The following SCHIP1 variants were observed in gnomAD, a reference collection of about 807,000 sequenced individuals.
SCHIP1 encodes schwannomin interacting protein 1.
A neutral mutation model predicts 29.7 loss-of-function variants in SCHIP1; 8 were observed. The ratio of observed to expected loss-of-function variants is 0.27; its 90% confidence interval spans 0.16 to 0.49. SCHIP1 has a LOEUF of 0.49. Among genes scored for constraint, SCHIP1 ranks in the 20% least tolerant of loss-of-function variants. SCHIP1 has a pLI of 0.99. For synonymous variants in SCHIP1, 76 were observed against 94.9 expected (o/e 0.80, Z 1.16); for missense variants, 193 against 294.6 (o/e 0.66, Z 2.52).
chr3:159,695,968 C>T, the SCHIP1 span, among the ~76,000 whole-genome samples: 1 of 152,102 alleles, frequency 6.6e-6, no homozygotes, highest in Non-Finnish European at 1.5e-5. Flanking sequence ...GACTTATTGC[C>T]CTACCGCACC....
chr3:159,480,178 G>A, the SCHIP1 span, among the ~76,000 whole-genome samples: 12 of 152,278 alleles, frequency 7.9e-5, no homozygotes, highest in South Asian at 2.3e-3. Flanking sequence ...GTGAGTCATG[G>A]TCAGAATCCA....
At chr3:159,305,007 A>T in the SCHIP1 span, among the ~76,000 whole-genome samples, 3,717 of 150,304 alleles carry the variant, frequency 0.025, 143 homozygotes, top group African/African-American at 0.086. Flanking sequence ...TCTTCTTCCC[A>T]TTTTTTTTCA....
At chr3:159,393,298 G>A in the SCHIP1 span, among the ~76,000 whole-genome samples, 2 of 152,142 alleles carry the variant, frequency 1.3e-5, no homozygotes, top group Admixed American at 6.5e-5. Context: ...CTTTTGCTGT[G>A]TAGAAGCTCT....
At chr3:159,750,167 A>G in the SCHIP1 span, among the ~76,000 whole-genome samples, 1 of 151,566 alleles carries the variant, frequency 6.6e-6, no homozygotes, top group Non-Finnish European at 1.5e-5. Context: ...GTTTATTCAT[A>G]GAGTAGAATA....
the SCHIP1 span, among the ~76,000 whole-genome samples, chr3:159,589,271 T>C: frequency 3.3e-5 from 5 of 152,342 alleles, 1 homozygote; most frequent in East Asian, 1.9e-4. Flanking sequence ...TTGTCTGTTA[T>C]TGGTGGATAA....
At chr3:159,863,493 T>TA (rs1165332135) in intron 1 of SCHIP1, among the ~76,000 whole-genome samples, 1 of 152,216 alleles carries the variant, frequency 6.6e-6, no homozygotes, top group Non-Finnish European at 1.5e-5. Context: ...GAAAAAATTT[T>TA]AAAAGATTTT....
At chr3:159,880,179 C>G (rs956255981) in intron 2 of SCHIP1, among the ~76,000 whole-genome samples, 2 of 152,118 alleles carry the variant, frequency 1.3e-5, no homozygotes, top group African/African-American at 4.8e-5. Flanking sequence ...AATGTCCTCC[C>G]CAGTCCTCTC....
At chr3:159,330,724 C>T in the SCHIP1 span, among the ~76,000 whole-genome samples, 19 of 152,180 alleles carry the variant, frequency 1.2e-4, no homozygotes, top group Non-Finnish European at 1.3e-4. Flanking sequence ...AAATTGATTA[C>T]ATAACTATAA....
chr3:159,426,254 T>G, the SCHIP1 span, among the ~76,000 whole-genome samples: 1 of 152,296 alleles, frequency 6.6e-6, no homozygotes, highest in African/African-American at 2.4e-5. Flanking sequence ...AGATGGTTTT[T>G]TGAAAGGATC....
the SCHIP1 span, among the ~76,000 whole-genome samples, chr3:159,665,965 T>C: frequency 3.9e-5 from 6 of 152,158 alleles, no homozygotes; most frequent in Admixed American, 2.6e-4. Context: ...CCAGTCTCCA[T>C]GCTACTCTGC....
At chr3:159,828,388 C>CATAT in the SCHIP1 span, among the ~76,000 whole-genome samples, 1 of 65,328 alleles carries the variant, frequency 1.5e-5, no homozygotes, top group African/African-American at 4.6e-5. Flanking sequence ...TATATATATA[C>CATAT]ATATATACGT....
chr3:159,523,929 T>C, the SCHIP1 span, among the ~76,000 whole-genome samples: 1 of 152,234 alleles, frequency 6.6e-6, no homozygotes, highest in African/African-American at 2.4e-5. Context: ...GCTTAATTGC[T>C]GAATCCCCCA....
the SCHIP1 span, among the ~76,000 whole-genome samples, chr3:159,637,596 G>T: frequency 6.6e-6 from 1 of 152,258 alleles, no homozygotes; most frequent in South Asian, 2.1e-4. Flanking sequence ...AATTGCAAAA[G>T]CATAAACTCA....
chr3:159,454,335 T>TG, the SCHIP1 span, among the ~76,000 whole-genome samples: 1 of 152,004 alleles, frequency 6.6e-6, no homozygotes, highest in Non-Finnish European at 1.5e-5. Flanking sequence ...TAACCTGGGA[T>TG]GGGGGTGGGG....
the SCHIP1 span, among the ~76,000 whole-genome samples, chr3:159,743,439 C>G: frequency 6.6e-6 from 1 of 152,290 alleles, no homozygotes; most frequent in Non-Finnish European, 1.5e-5. Flanking sequence ...CTGGATGAAT[C>G]TCCAGAGAAT....
chr3:159,449,192 C>T, the SCHIP1 span, among the ~76,000 whole-genome samples: 4 of 152,256 alleles, frequency 2.6e-5, no homozygotes, highest in African/African-American at 9.6e-5. Flanking sequence ...CATAGATTTA[C>T]ACTTAAATCA....
the SCHIP1 span, among the ~76,000 whole-genome samples, chr3:159,330,010 G>C: frequency 1.3e-5 from 2 of 152,130 alleles, no homozygotes. Context: ...GTCAATATGT[G>C]CAGTTTGATG....
chr3:159,728,331 C>T, the SCHIP1 span, among the ~76,000 whole-genome samples: 1 of 152,088 alleles, frequency 6.6e-6, no homozygotes, highest in Non-Finnish European at 1.5e-5. Flanking sequence ...TGTCCAAGTT[C>T]CAAAAGGCAG....
the SCHIP1 span, among the ~76,000 whole-genome samples, chr3:159,342,805 G>A: frequency 6.6e-6 from 1 of 152,024 alleles, no homozygotes; most frequent in Non-Finnish European, 1.5e-5. Context: ...ACTTCTTTTA[G>A]TCTTTATTAA....
Sources: allele counts gnomAD v4.1 joint callset (sites outside exome capture counted in the v4.1 genomes callset), GRCh38; gene constraint gnomAD v4.1.1; transcripts MANE v1.5; gene names NCBI Gene and HGNC (gene_info 2026-07-23, HGNC 2026-07-21).